Variants in MGAM2 observed in about 807,000 individuals in gnomAD.
MGAM2 encodes the protein probable maltase-glucoamylase 2.
In MGAM2, 98 loss-of-function variants were observed where a neutral mutation model predicts 96.1. That is an observed-to-expected ratio of 1.02 (90% CI 0.87 to 1.21). The LOEUF is 1.21. Ranked by LOEUF, MGAM2 falls within the 50% of genes most tolerant of loss-of-function variation. The pLI is 0.00. For synonymous variants in MGAM2, 749 were observed against 414.8 expected, an observed-to-expected ratio of 1.81 and a Z score of -9.79; for missense variants, 2,055 against 1,182.4, an observed-to-expected ratio of 1.74 and a Z score of -10.82.
rs79881851 is a variant in MGAM2 at position 142,158,058 on chromosome 7, G to A, written c.2045G>A (p.Arg682Gln). Reference sequence around the variant, plus strand: ...ACCCTTTTCTACCATGCTCACACCCGGGGAGAGACGGTAGCAAGGCCCCTT... The same window carrying A: ...ACCCTTTTCTACCATGCTCACACCCAGGGAGAGACGGTAGCAAGGCCCCTT... ...LYTLFYHAHT[R>Q]GETVARPLVH... The change falls in exon 18 of 48, where the codon CGG becomes CAG. Residue 682 changes from arginine (R) to glutamine (Q), a missense_variant. Arg to Gln is a conservative substitution (Grantham distance 43). Coordinates refer to ENST00000477922, the MANE Select transcript of MGAM2 (RefSeq NM_001293626.2). 3,481 of 702,870 alleles carry A rather than the reference G, an allele frequency of 5.0e-3. 82 individuals carry two copies. The highest frequency in any genetic ancestry group is 0.046 in the East Asian group (1,698 of 37,262). The allele number at this position is 702,870 out of a possible 1,614,324, so 43.5% of individuals were successfully genotyped here. A position where few individuals can be genotyped will look rare whatever the true frequency, so the allele number is the denominator to read the frequency against.
Position 142,139,027 on chromosome 7 carries a change from C to A in MGAM2, c.1086+360C>A, listed in dbSNP as rs1351727674. Among the ~76,000 whole-genome samples the A allele has an allele frequency of 3.9e-5, 6 of 152,168 alleles. No homozygotes were observed. The East Asian group carries it at 1.2e-3, about 29-fold the overall frequency. Reference sequence around the variant, plus strand: ...ATACTGTGCATGTTGAAGCATCTAGCACTGATGGTGAACATCATCAAAGTT... The same window carrying A: ...ATACTGTGCATGTTGAAGCATCTAGAACTGATGGTGAACATCATCAAAGTT... On this transcript the variant is annotated intron_variant, in intron 10 of 47. Coordinates refer to ENST00000477922, the MANE Select transcript of MGAM2 (RefSeq NM_001293626.2).
chr7:142,184,722 T>C (rs919246434), intron 33 of MGAM2, among the ~76,000 whole-genome samples: 1 of 152,234 alleles, frequency 6.6e-6, no homozygotes, highest in Non-Finnish European at 1.5e-5. Context: ...AAATCAATCT[T>C]ATTTCTTTAG....
At chr7:142,157,150 G>A (rs1440885389) in intron 17 of MGAM2, among the ~76,000 whole-genome samples, 3 of 152,098 alleles carry the variant, frequency 2.0e-5, no homozygotes, top group Admixed American at 2.0e-4. Flanking sequence ...ACAAGCACAT[G>A]GAAAGGAAAT....
At chr7:142,127,148 T>C (rs1279115961) in intron 3 of MGAM2, among the ~76,000 whole-genome samples, 1 of 152,202 alleles carries the variant, frequency 6.6e-6, no homozygotes, top group Non-Finnish European at 1.5e-5. Context: ...ATTACTGTTT[T>C]AGTTTTTATT....
intron 46 of MGAM2, among the ~76,000 whole-genome samples, chr7:142,210,571 AG>A (rs1017455410): frequency 2.0e-5 from 3 of 152,202 alleles, no homozygotes; most frequent in African/African-American, 7.2e-5. Flanking sequence ...CAAAGCCACC[AG>A]GAAGTTCGAA....
chr7:142,120,348 G>A lies in MGAM2; in HGVS notation c.153G>A (p.Arg51=), dbSNP rs976852660. Residue 51 remains arginine, a synonymous_variant, in exon 3 of 48, where the codon AGG becomes AGA. Transcript: ENST00000477922. Reference sequence around the variant, plus strand: ...GCCCAGAGATTCCCCAGTCGGAAAGGATAGACTGCACACCTGACCAGGAGG... The same window carrying A: ...GCCCAGAGATTCCCCAGTCGGAAAGAATAGACTGCACACCTGACCAGGAGG... ...PECPEIPQSE[R]IDCTPDQEVT... The A allele has an allele frequency of 4.3e-6, 3 of 703,026 alleles. No homozygotes were observed. Among genetic ancestry groups the A allele is most frequent in the Non-Finnish European group, 7.8e-6 (3 of 385,002 alleles). 43.5% of individuals were successfully genotyped at this position (703,026 alleles called of 1,614,324 possible). A position where few individuals can be genotyped will look rare whatever the true frequency, so the allele number is the denominator to read the frequency against.
At chr7:142,211,182 G>A (rs547680004) in intron 46 of MGAM2, among the ~76,000 whole-genome samples, 3 of 152,284 alleles carry the variant, frequency 2.0e-5, no homozygotes, top group East Asian at 3.9e-4. Context: ...AAATCCATCC[G>A]AAGGTCACCA....
intron 28 of MGAM2, among the ~76,000 whole-genome samples, chr7:142,171,649 TA>T (rs1700357707): frequency 2.3e-5 from 2 of 85,602 alleles, no homozygotes; most frequent in Admixed American, 2.2e-4. Flanking sequence ...TATATATATA[TA>T]TATATCCACA....
intron 46 of MGAM2, among the ~76,000 whole-genome samples, chr7:142,214,113 C>A (rs1797675093): frequency 6.6e-6 from 1 of 152,178 alleles, no homozygotes; most frequent in Non-Finnish European, 1.5e-5. Flanking sequence ...AACACCCTTT[C>A]ATGCTAAAAA....
intron 15 of MGAM2, among the ~76,000 whole-genome samples, chr7:142,153,049 G>GC (rs1795629560): frequency 2.0e-5 from 3 of 146,872 alleles, no homozygotes; most frequent in Non-Finnish European, 4.4e-5. Flanking sequence ...AGGCTGGAGT[G>GC]CAGTGGCACG....
At chr7:142,139,436 G>C (rs1339201247) in intron 10 of MGAM2, among the ~76,000 whole-genome samples, 2 of 152,014 alleles carry the variant, frequency 1.3e-5, no homozygotes, top group African/African-American at 4.8e-5. Context: ...GAGGCGGGCA[G>C]ATCACTTGAG....
At chr7:142,219,638 T>C (rs1797860200) in intron 47 of MGAM2, among the ~76,000 whole-genome samples, 1 of 152,118 alleles carries the variant, frequency 6.6e-6, no homozygotes, top group African/African-American at 2.4e-5. Flanking sequence ...AGGTTCTGAC[T>C]AAATGAAGTG....
At chr7:142,117,865 G>T (rs1243035681) in intron 2 of MGAM2, among the ~76,000 whole-genome samples, 1 of 151,886 alleles carries the variant, frequency 6.6e-6, no homozygotes, top group Non-Finnish European at 1.5e-5. Flanking sequence ...TATAAAACTA[G>T]ATCTTCACAC....
At chr7:142,193,612 G>T (rs1796938541) in intron 37 of MGAM2, among the ~76,000 whole-genome samples, 1 of 152,140 alleles carries the variant, frequency 6.6e-6, no homozygotes, top group Non-Finnish European at 1.5e-5. Context: ...TGCTGCATAT[G>T]CTCTGTGTGC....
At chr7:142,195,959 C>T (rs541727920) in intron 37 of MGAM2, among the ~76,000 whole-genome samples, 195 bp from the exon 38 acceptor site, 9 of 152,254 alleles carry the variant, frequency 5.9e-5, no homozygotes, top group Middle Eastern at 3.4e-3. Context: ...CCACATTCTA[C>T]GTGCAGATAT....
At chr7:142,160,356 G>A in intron 21 of MGAM2, 98 bp downstream of exon 21, 1 of 577,176 alleles carries the variant, frequency 1.7e-6, no homozygotes, top group Non-Finnish European at 3.1e-6. Context: ...GATGAGCCAA[G>A]GGATAAGTCA....
At position 142,114,208 on chromosome 7, in the gene MGAM2, A is replaced by G. The variant is rs868080977; in HGVS notation, c.-1+2401A>G. On this transcript the variant is annotated intron_variant, in intron 1 of 47. Coordinates refer to ENST00000477922, the MANE Select transcript of MGAM2 (RefSeq NM_001293626.2). ...AAAGAAAGAAAGAAAGAAAGAAAGA[A>G]AGAAAGAGAGAAAGAAAGAAAGAAA... 8.1e-3 allele frequency among the ~76,000 whole-genome samples: 1,082 copies of G among 133,322 alleles called. 27 individuals are homozygous for G. The highest frequency in any genetic ancestry group is 0.039 in the East Asian group (187 of 4,800). The allele number at this position is 133,322 out of a possible 152,430, so 87.5% of individuals were successfully genotyped here.
Position 142,187,761 on chromosome 7 carries a change from G to A in MGAM2, c.4134G>A (p.Glu1378=), listed in dbSNP as rs892767902. Residue 1378 remains glutamate (E), a synonymous_variant, in exon 36 of 48, where the codon GAG becomes GAA. Transcript: ENST00000477922. Reference sequence around the variant, plus strand: ...TTAACTCATTTCAGGATATGAATGAGCCATCAAATTTTGTGGATGGATCTG... The same window carrying A: ...TTAACTCATTTCAGGATATGAATGAACCATCAAATTTTGTGGATGGATCTG... ...KFDGLWIDMN[E]PSNFVDGSVR... The A allele has an allele frequency of 7.1e-6, 5 of 702,530 alleles. No homozygotes were observed. The highest frequency in any genetic ancestry group is 2.3e-4 in the Middle Eastern group (1 of 4,392). The allele number at this position is 702,530 out of a possible 1,614,324, so 43.5% of individuals were successfully genotyped here.
intron 3 of MGAM2, among the ~76,000 whole-genome samples, chr7:142,121,524 T>C (rs1159532253): frequency 6.6e-6 from 1 of 152,156 alleles, no homozygotes; most frequent in Non-Finnish European, 1.5e-5. Flanking sequence ...GTTTCTCTTA[T>C]ATGTTTTATT....
Sources: allele counts gnomAD v4.1 joint callset (sites outside exome capture counted in the v4.1 genomes callset), GRCh38; gene constraint gnomAD v4.1.1; transcripts MANE v1.5; gene names NCBI Gene and HGNC (gene_info 2026-07-23, HGNC 2026-07-21).